ABL1: variants seen among roughly 807,000 people sequenced by gnomAD.
ABL1 encodes tyrosine-protein kinase ABL1.
ABL1 carries 11 observed loss-of-function variants against 94.7 expected under a neutral mutation model. The observed-to-expected ratio is 0.12, with a 90% CI of 0.07 to 0.19. ABL1 has a LOEUF of 0.19. ABL1 is among the 10% of genes least tolerant of loss of function. The pLI, the probability that ABL1 is intolerant of heterozygous loss-of-function variation, is 1.00. For synonymous variants in ABL1, 656 were observed against 622.4 expected (o/e 1.05, Z -0.80); for missense variants, 1,082 against 1,489.4 (o/e 0.73, Z 4.50).
At chr9:130,753,337 G>T (rs1219379748) in intron 1 of ABL1, among the ~76,000 whole-genome samples, 1 of 151,880 alleles carries the variant, frequency 6.6e-6, no homozygotes, top group African/African-American at 2.4e-5. Context: ...CCCACTGCAT[G>T]CTGTGCTATT....
At position 130,880,487 on chromosome 9, in the gene ABL1, G is replaced by T; in HGVS notation, c.1514-13G>T. 1 of 1,613,724 alleles carries T rather than the reference G, an allele frequency of 6.2e-7. No homozygotes were observed. The highest frequency in any genetic ancestry group is 8.5e-7 in the Non-Finnish European group (1 of 1,179,794). The stretch of plus-strand genomic sequence containing the variant: ...CTGCTGGATTTTTGTTTCTGTCCCT[G>T]TATGATTCTTAGAAGTGGAAAAGGA... On this transcript the variant is annotated splice_polypyrimidine_tract_variant and intron_variant, in intron 9 of 10. Transcript: ENST00000318560. This position sits in a 1 kb window ranked among gnomAD's most constrained non-coding sequence, Gnocchi z 4.4.
chr9:130,772,866 AAC>A (rs1279895882), intron 1 of ABL1, among the ~76,000 whole-genome samples: 1 of 152,246 alleles, frequency 6.6e-6, no homozygotes, highest in Admixed American at 6.5e-5. Flanking sequence ...ATTGTCTTCA[AAC>A]ACAGGTATGA....
chr9:130,867,758 C>G (rs1237171177), intron 4 of ABL1, among the ~76,000 whole-genome samples: 2 of 152,192 alleles, frequency 1.3e-5, no homozygotes, highest in African/African-American at 4.8e-5. Flanking sequence ...CCTGCTGTTG[C>G]CAGGTTGCAC....
chr9:130,845,210 A>G (rs1830744930), intron 1 of ABL1, among the ~76,000 whole-genome samples: 1 of 152,232 alleles, frequency 6.6e-6, no homozygotes, highest in African/African-American at 2.4e-5. Context: ...TTAAAAATAA[A>G]GTTATTTAAT....
intron 1 of ABL1, among the ~76,000 whole-genome samples, chr9:130,737,238 C>T (rs563013643): frequency 6.6e-6 from 1 of 152,054 alleles, no homozygotes; most frequent in Admixed American, 6.5e-5. Context: ...AAAATGTTTT[C>T]AGTTTTAAAA....
chr9:130,860,498 G>C (rs1458701740), intron 3 of ABL1, among the ~76,000 whole-genome samples: 1 of 152,198 alleles, frequency 6.6e-6, no homozygotes, highest in Non-Finnish European at 1.5e-5. Flanking sequence ...GGAGCCCTTA[G>C]CATTCCACTT....
At chr9:130,849,540 G>A (rs985954875) in intron 1 of ABL1, among the ~76,000 whole-genome samples, 3 of 151,612 alleles carry the variant, frequency 2.0e-5, no homozygotes, top group African/African-American at 7.3e-5. Flanking sequence ...TTTTTTTTGA[G>A]ACGATGTCTC....
chr9:130,735,904 T>C (rs1388162515), intron 1 of ABL1, among the ~76,000 whole-genome samples: 1 of 36,430 alleles, frequency 2.7e-5, no homozygotes, highest in Non-Finnish European at 4.2e-5. Flanking sequence ...TATATATGTG[T>C]GTGTATATGT....
intron 1 of ABL1, among the ~76,000 whole-genome samples, chr9:130,815,715 C>T (rs1830275780): frequency 6.6e-6 from 1 of 152,076 alleles, no homozygotes; most frequent in Non-Finnish European, 1.5e-5. Context: ...AGTACCTTCC[C>T]AGCTCCTTCT....
At chr9:130,882,823 C>T (rs1185872634) in intron 10 of ABL1, among the ~76,000 whole-genome samples, 1 of 152,134 alleles carries the variant, frequency 6.6e-6, no homozygotes, top group African/African-American at 2.4e-5. Flanking sequence ...CTTGAGCCAC[C>T]GCGCCTGGCT....
intron 1 of ABL1, among the ~76,000 whole-genome samples, chr9:130,763,323 G>GTTT (rs59238943): frequency 4.1e-5 from 6 of 144,782 alleles, no homozygotes; most frequent in African/African-American, 1.5e-4. Context: ...CATTTTTGTG[G>GTTT]TTTTTTTTCA....
Position 130,835,287 on chromosome 9 carries a change from G to A in ABL1, c.-160G>A, listed in dbSNP as rs1280907146. 1 of 158,278 alleles carries A rather than the reference G, an allele frequency of 6.3e-6. No homozygotes were observed. Among genetic ancestry groups the A allele is most frequent in the Non-Finnish European group, 1.3e-5 (1 of 76,234 alleles). The allele number at this position is 158,278 out of a possible 1,614,324, so 9.8% of individuals were successfully genotyped here. On this transcript the variant is annotated 5_prime_UTR_variant, in exon 1 of 11. Transcript: ENST00000318560. The surrounding 1 kb of genome is among the most constrained non-coding windows in gnomAD (Gnocchi z 4.6). ...GCGCGTCCCGGCCAGGCGGAGACGC[G>A]GCCGCGGCCATGGGCGGGCGCGGGC... is the stretch of plus-strand genomic sequence containing the variant.
chr9:130,851,519 C>T (rs1323004572), intron 1 of ABL1, among the ~76,000 whole-genome samples: 3 of 151,912 alleles, frequency 2.0e-5, no homozygotes, highest in Admixed American at 1.3e-4. Flanking sequence ...TCTGAAAGTT[C>T]TCGGTCATGT....
At chr9:130,810,620 A>G (rs1175940754) in intron 1 of ABL1, among the ~76,000 whole-genome samples, 1 of 152,158 alleles carries the variant, frequency 6.6e-6, no homozygotes, top group Non-Finnish European at 1.5e-5. Flanking sequence ...AGCAGAAAAA[A>G]AAAAGAAACC....
intron 1 of ABL1, among the ~76,000 whole-genome samples, chr9:130,815,386 A>G (rs1830271314): frequency 6.6e-6 from 1 of 152,184 alleles, no homozygotes; most frequent in Non-Finnish European, 1.5e-5. Context: ...CAGATCTGAT[A>G]TAGTCACTTC....
At chr9:130,724,740 C>T in intron 1 of ABL1, 2 of 416,138 alleles carry the variant, frequency 4.8e-6, no homozygotes, top group East Asian at 6.1e-5. Context: ...GAGCGAAACC[C>T]TGTCTTTAAA....
upstream of ABL1, among the ~76,000 whole-genome samples, chr9:130,831,163 C>T (rs926030215): frequency 6.6e-6 from 1 of 152,176 alleles, no homozygotes; most frequent in Admixed American, 6.5e-5. Flanking sequence ...AAGATCTTTG[C>T]TGTTCCCCCC....
intron 1 of ABL1, among the ~76,000 whole-genome samples, chr9:130,743,632 G>A (rs929682826): frequency 1.3e-5 from 2 of 152,160 alleles, no homozygotes; most frequent in South Asian, 2.1e-4. Flanking sequence ...TCCCAGAGAG[G>A]AGAGAGAGAG....
At chr9:130,730,660 C>G (rs1343815137) in intron 1 of ABL1, among the ~76,000 whole-genome samples, 2 of 151,958 alleles carry the variant, frequency 1.3e-5, no homozygotes, top group South Asian at 2.1e-4. Context: ...CAACCTTGAC[C>G]TCCTGGGCTC....
Sources: gnomAD v4.1 joint callset for allele counts (sites outside exome capture counted in the v4.1 genomes callset) on GRCh38, gnomAD v4.1.1 for gene constraint, Gnocchi (gnomAD v3.1) non-coding constraint, MANE v1.5 for transcripts, NCBI Gene and HGNC (gene_info 2026-07-23, HGNC 2026-07-21) for gene names.